Variants in LARGE1 observed in about 807,000 individuals in gnomAD.
LARGE1 encodes the protein xylosyl- and glucuronyltransferase LARGE1.
Under a neutral mutation model 87.6 loss-of-function variants are expected in LARGE1, and 43 were observed. That is an observed-to-expected ratio of 0.49 (90% CI 0.38 to 0.63). LARGE1 has a LOEUF of 0.63. Ranked by LOEUF, LARGE1 falls within the 30% of genes least tolerant of loss-of-function variation. The probability of loss-of-function intolerance (pLI) is 0.00; values close to 1 mark genes in which losing one functional copy is unlikely to be tolerated. For missense variants in LARGE1, 802 were observed against 1,000.2 expected, an observed-to-expected ratio of 0.80 and a Z score of 2.67; for synonymous variants, 434 against 394.6, an observed-to-expected ratio of 1.10 and a Z score of -1.18.
At chr22:33,141,810 T>A in the LARGE1 span, among the ~76,000 whole-genome samples, 1 of 152,232 alleles carries the variant, frequency 6.6e-6, no homozygotes, top group African/African-American at 2.4e-5. Context: ...TTTTGTCTGC[T>A]AAATCTAATA....
intron 12 of LARGE1, among the ~76,000 whole-genome samples, chr22:33,292,188 G>C (rs560723651): frequency 6.6e-6 from 1 of 152,278 alleles, no homozygotes; most frequent in East Asian, 1.9e-4. Flanking sequence ...CACCAAGTTT[G>C]TTCTGACTTC....
At chr22:33,808,753 C>T (rs1161216321) in intron 1 of LARGE1, among the ~76,000 whole-genome samples, 2 of 152,172 alleles carry the variant, frequency 1.3e-5, no homozygotes, top group East Asian at 1.9e-4. Context: ...CTATCCTCTT[C>T]GCATTTTCCC....
At chr22:33,541,201 G>A (rs9607055) in intron 6 of LARGE1, among the ~76,000 whole-genome samples, 140 of 133,580 alleles carry the variant, frequency 1.0e-3, no homozygotes, top group South Asian at 2.2e-3. Flanking sequence ...GGGAAAAAAA[G>A]AAAAAAAAAA....
chr22:33,193,218 A>G (rs1347874361), intron 11 of LARGE1, among the ~76,000 whole-genome samples: 1 of 152,136 alleles, frequency 6.6e-6, no homozygotes, highest in African/African-American at 2.4e-5. Context: ...TAATTTCTGG[A>G]TATTTTAACC....
intron 11 of LARGE1, among the ~76,000 whole-genome samples, chr22:33,212,481 A>G (rs1166539905): frequency 5.9e-5 from 9 of 152,204 alleles, no homozygotes; most frequent in Non-Finnish European, 8.8e-5. Context: ...CTCATTCACA[A>G]TGCTTCTGGT....
At chr22:33,375,811 A>C (rs2064974398) in intron 9 of LARGE1, among the ~76,000 whole-genome samples, 1 of 152,152 alleles carries the variant, frequency 6.6e-6, no homozygotes. Context: ...GCAGTGGCAC[A>C]ATCACAGCTC....
At chr22:33,764,076 T>C (rs563802699) in intron 1 of LARGE1, among the ~76,000 whole-genome samples, 33 of 151,926 alleles carry the variant, frequency 2.2e-4, no homozygotes, top group African/African-American at 7.5e-4. Flanking sequence ...TCTCAATCTC[T>C]CGACCTTGTG....
chr22:33,239,518 ATTTCTTTT>A (rs1292369302), intron 11 of LARGE1, among the ~76,000 whole-genome samples: 1 of 119,436 alleles, frequency 8.4e-6, no homozygotes, highest in Non-Finnish European at 1.8e-5. Flanking sequence ...ACGCCTTACT[ATTTCTTTT>A]TTTCTTTTCT....
chr22:33,701,694 C>T (rs1476899344), intron 2 of LARGE1, among the ~76,000 whole-genome samples: 1 of 152,192 alleles, frequency 6.6e-6, no homozygotes, highest in Non-Finnish European at 1.5e-5. Context: ...AAGTGGATTC[C>T]CTGAAGTTCC....
intron 9 of LARGE1, among the ~76,000 whole-genome samples, chr22:33,372,842 T>C (rs904455806): frequency 1.4e-4 from 21 of 152,110 alleles, no homozygotes; most frequent in Non-Finnish European, 2.8e-4. Flanking sequence ...AAAGGTTGCC[T>C]CGAAAAGTAT....
chr22:33,556,770 G>A (rs1286048026), intron 6 of LARGE1, among the ~76,000 whole-genome samples: 1 of 152,036 alleles, frequency 6.6e-6, no homozygotes, highest in African/African-American at 2.4e-5. Context: ...CACTTTGGGA[G>A]GCAGAGGTGG....
intron 9 of LARGE1, among the ~76,000 whole-genome samples, chr22:33,352,031 C>T (rs537299940): frequency 1.1e-3 from 163 of 152,272 alleles, no homozygotes; most frequent in Non-Finnish European, 2.1e-3. Context: ...GCCCCCAAGG[C>T]CTGGCAAAAA....
At position 33,662,885 on chromosome 22, in the gene LARGE1, G is replaced by C. The variant is rs13053778; in HGVS notation, c.107-12217C>G. ...ACAAGAGAAAACAAGCAAAAGCCTG[G>C]CTGGACATTCCTTTGCCTGTAAGTG... On this transcript the variant is annotated intron_variant, in intron 2 of 14. Transcript: ENST00000397394. 7.8e-3 allele frequency among the ~76,000 whole-genome samples: 1,183 copies of C among 152,262 alleles called. 8 individuals carry two copies. Among genetic ancestry groups the C allele is most frequent in the Middle Eastern group, 0.024 (7 of 294 alleles).
intron 1 of LARGE1, among the ~76,000 whole-genome samples, chr22:33,764,384 T>G (rs980754068): frequency 3.4e-4 from 52 of 152,138 alleles, no homozygotes; most frequent in African/African-American, 1.1e-3. Flanking sequence ...CTCATACAAA[T>G]GGGCATAGTA....
chr22:33,833,457 T>C (rs886994239), intron 1 of LARGE1, among the ~76,000 whole-genome samples: 3 of 152,108 alleles, frequency 2.0e-5, no homozygotes, highest in Non-Finnish European at 4.4e-5. Context: ...GGGGAAACCA[T>C]ATGAAGGCAC....
chr22:33,081,000 T>C, the LARGE1 span, among the ~76,000 whole-genome samples: 6 of 145,378 alleles, frequency 4.1e-5, no homozygotes, highest in African/African-American at 1.5e-4. Context: ...CATCCACTCT[T>C]GTAGTAATTG....
intron 1 of LARGE1, among the ~76,000 whole-genome samples, chr22:33,911,004 C>T (rs754398907): frequency 1.5e-4 from 23 of 152,314 alleles, no homozygotes; most frequent in Admixed American, 9.8e-4. Context: ...CTTGCACAAG[C>T]GTCAGTTTCC....
intron 7 of LARGE1, among the ~76,000 whole-genome samples, chr22:33,408,378 C>T (rs2147401294): frequency 6.6e-6 from 1 of 152,330 alleles, no homozygotes; most frequent in South Asian, 2.1e-4. Context: ...AAGGATGACA[C>T]TGGTCCGAGG....
chr22:33,689,893 C>G (rs2082048935), intron 2 of LARGE1, among the ~76,000 whole-genome samples: 1 of 151,788 alleles, frequency 6.6e-6, no homozygotes, highest in African/African-American at 2.4e-5. Flanking sequence ...TGCCATTGCA[C>G]TCCAGCCTGG....
Sources: allele counts gnomAD v4.1 joint callset (sites outside exome capture counted in the v4.1 genomes callset), GRCh38; gene constraint gnomAD v4.1.1; transcripts MANE v1.5; gene names NCBI Gene and HGNC (gene_info 2026-07-23, HGNC 2026-07-21).